The following DYNC2LI1 variants were observed in gnomAD, a reference collection of about 807,000 sequenced individuals.
The protein encoded by DYNC2LI1 is dynein cytoplasmic 2 light intermediate chain 1, also known as cytoplasmic dynein 2 light intermediate chain 1.
In DYNC2LI1, 45 loss-of-function variants were observed where a neutral mutation model predicts 51.9. The ratio of observed to expected loss-of-function variants is 0.87; its 90% CI spans 0.68 to 1.11. DYNC2LI1 has a LOEUF of 1.11. Ranked by LOEUF, DYNC2LI1 falls within the 50% of genes most tolerant of loss-of-function variation. The pLI is 0.00. For missense variants in DYNC2LI1, 490 were observed against 417.4 expected, an observed-to-expected ratio of 1.17 and a Z score of -1.51; for synonymous variants, 130 against 137.8, an observed-to-expected ratio of 0.94 and a Z score of 0.40.
chr2:43,794,980 C>G (rs919036199), intron 6 of DYNC2LI1: 1 of 1,213,592 alleles, frequency 8.2e-7, no homozygotes, highest in African/African-American at 1.5e-5. Context: ...AGTCACCTGA[C>G]AAAGACTAGA....
Position 43,801,721 on chromosome 2 carries a change from T to C in DYNC2LI1, c.802+12T>C. 1 of 1,598,120 alleles carries C rather than the reference T, an allele frequency of 6.3e-7. No homozygotes were observed. Among genetic ancestry groups the C allele is most frequent in the Non-Finnish European group, 8.6e-7 (1 of 1,168,796 alleles). On this transcript the variant is annotated intron_variant, in intron 10 of 12. Transcript: ENST00000260605. ...TTTCGGTCAAATAGGTTAGTGAACT[T>C]ATTAAGATTGTTCAATCTTTTTTTA...
chr2:43,807,984 C>G (rs59513006), intron 12 of DYNC2LI1, among the ~76,000 whole-genome samples: 27,397 of 151,862 alleles, frequency 0.18, 2,636 homozygotes, highest in Middle Eastern at 0.32. Flanking sequence ...CCCTAGTTTT[C>G]TCACAGTCTG....
chr2:43,828,308 T>C, the DYNC2LI1 span: 3 of 722,042 alleles, frequency 4.2e-6, no homozygotes, highest in Non-Finnish European at 6.9e-6. Flanking sequence ...GTAATACATG[T>C]GTCAGATTTA....
In DYNC2LI1 at chr2:43,809,725, A is replaced by T. The variant is rs554410064; in HGVS notation, c.1014A>T (p.Arg338Ser). ...QKDLELEQYKRSSSKSWKQIE... is the reference protein window; with the variant it reads ...QKDLELEQYKSSSSKSWKQIE... Reference sequence around the variant, plus strand: ...TTTAGGAACTGGAACAGTACAAAAGAAGTTCTTCCAAGTCTTGGAAACAAA... The same window carrying T: ...TTTAGGAACTGGAACAGTACAAAAGTAGTTCTTCCAAGTCTTGGAAACAAA... The change falls in exon 13 of 13, where the codon AGA becomes AGT. Residue 338 changes from arginine to serine, a missense_variant. By Grantham distance (110) the Arg-to-Ser change is moderately radical. Coordinates refer to ENST00000260605, the MANE Select transcript of DYNC2LI1 (RefSeq NM_016008.4). 1 of 1,612,088 alleles carries T rather than the reference A, an allele frequency of 6.2e-7. No individual in the cohort carries two copies. Among genetic ancestry groups the T allele is most frequent in the East Asian group, 2.2e-5 (1 of 44,728 alleles).
chr2:43,821,643 T>C, the DYNC2LI1 span, among the ~76,000 whole-genome samples: 1 of 152,196 alleles, frequency 6.6e-6, no homozygotes, highest in Non-Finnish European at 1.5e-5. Flanking sequence ...ATTGCCGCAC[T>C]AACTGGATCC....
At chr2:43,811,131 T>C (rs995876690), downstream of DYNC2LI1, among the ~76,000 whole-genome samples, 2 of 152,208 alleles carry the variant, frequency 1.3e-5, no homozygotes, top group Non-Finnish European at 2.9e-5. Context: ...CTTTAGTAAG[T>C]TGAAATCAGT....
At chr2:43,810,380 G>A (rs748144134), downstream of DYNC2LI1, 10 of 985,310 alleles carry the variant, frequency 1.0e-5, no homozygotes, top group Non-Finnish European at 1.2e-5. Context: ...TTGAAGAACA[G>A]GCACATCTAA....
chr2:43,796,475 G>A (rs1674041460), intron 7 of DYNC2LI1, among the ~76,000 whole-genome samples: 1 of 152,136 alleles, frequency 6.6e-6, no homozygotes, highest in African/African-American at 2.4e-5. Flanking sequence ...TATGAAATGT[G>A]TGCTTATATC....
At chr2:43,812,351 T>C (rs1421808136), downstream of DYNC2LI1, 1 of 151,868 alleles carries the variant, frequency 6.6e-6, no homozygotes, top group African/African-American at 2.4e-5. Context: ...TTTTTTTTTT[T>C]TTATACTTTA....
chr2:43,788,637 G>A (rs3792024), intron 4 of DYNC2LI1, among the ~76,000 whole-genome samples: 18,477 of 151,538 alleles, frequency 0.12, 1,453 homozygotes, highest in Admixed American at 0.22. Context: ...TTTTTCTTTC[G>A]GAGACAAGGT....
chr2:43,801,825 G>A (rs1666087730), intron 10 of DYNC2LI1, 116 bp downstream of exon 10: 8 of 687,396 alleles, frequency 1.2e-5, no homozygotes, highest in African/African-American at 1.8e-5. Flanking sequence ...TATCATTGCT[G>A]TTATTTCCTG....
chr2:43,810,490 T>C, downstream of DYNC2LI1: 1 of 985,414 alleles, frequency 1.0e-6, no homozygotes, highest in Non-Finnish European at 1.2e-6. Flanking sequence ...TTCCAATCTG[T>C]AGATGTGTGT....
chr2:43,795,141 G>A (rs1572710455), intron 6 of DYNC2LI1: 2 of 991,948 alleles, frequency 2.0e-6, no homozygotes. Context: ...GGTAACACAA[G>A]TTCTTCAAAT....
At chr2:43,815,205 T>C in the DYNC2LI1 span, among the ~76,000 whole-genome samples, 1 of 152,246 alleles carries the variant, frequency 6.6e-6, no homozygotes, top group Non-Finnish European at 1.5e-5. Context: ...AAATGAAATA[T>C]GTCTCCTCTC....
chr2:43,821,888 C>A, the DYNC2LI1 span, among the ~76,000 whole-genome samples: 1 of 152,002 alleles, frequency 6.6e-6, no homozygotes, highest in Non-Finnish European at 1.5e-5. Flanking sequence ...CCCTCTCTTC[C>A]CGCACCCCAT....
chr2:43,804,929 G>T (rs566899872), intron 11 of DYNC2LI1, among the ~76,000 whole-genome samples, 190 bp downstream of exon 11: 5 of 151,552 alleles, frequency 3.3e-5, no homozygotes, highest in African/African-American at 9.7e-5. Flanking sequence ...CATGGTTCCT[G>T]CTCCACTTTC....
chr2:43,796,637 C>G lies in DYNC2LI1; in HGVS notation c.577-81C>G, dbSNP rs935194626. Reference sequence around the variant, plus strand: ...TGAGTTTAAAAAAATAAGAAATAATCTATTCTACATTTAATAATTTGAATC... The same window carrying G: ...TGAGTTTAAAAAAATAAGAAATAATGTATTCTACATTTAATAATTTGAATC... On this transcript the variant is annotated intron_variant, in intron 7 of 12. Coordinates refer to ENST00000260605, the MANE Select transcript of DYNC2LI1 (RefSeq NM_016008.4). The G allele has an allele frequency of 7.1e-6, 7 of 992,036 alleles. No homozygotes were observed. In the African/African-American group the frequency reaches 8.2e-5, roughly 12 times the overall value. The allele number at this position is 992,036 out of a possible 1,614,324, so 61.5% of individuals were successfully genotyped here.
intron 12 of DYNC2LI1, among the ~76,000 whole-genome samples, chr2:43,807,589 A>C (rs191354866): frequency 6.6e-6 from 1 of 151,804 alleles, no homozygotes; most frequent in Non-Finnish European, 1.5e-5. Flanking sequence ...ACAGGCACAC[A>C]TCACCATGCC....
chr2:43,774,273 G>T, intron 1 of DYNC2LI1, 127 bp downstream of exon 1: 1 of 1,255,174 alleles, frequency 8.0e-7, no homozygotes, highest in Non-Finnish European at 1.1e-6. Context: ...ATGCAGGGTC[G>T]GGGACCTAGG....
Sources: gnomAD v4.1 joint callset for allele counts (sites outside exome capture counted in the v4.1 genomes callset) on GRCh38, gnomAD v4.1.1 for gene constraint, MANE v1.5 for transcripts, NCBI Gene and HGNC (gene_info 2026-07-23, HGNC 2026-07-21) for gene names.